The following PIK3C2G variants were observed in gnomAD, a reference collection of about 807,000 sequenced individuals.
The protein encoded by PIK3C2G is phosphatidylinositol-4-phosphate 3-kinase catalytic subunit type 2 gamma.
PIK3C2G carries 168 observed loss-of-function variants against 181.1 expected under a neutral mutation model. That is an observed-to-expected ratio of 0.93 (90% confidence interval 0.82 to 1.05). The LOEUF (loss-of-function observed/expected upper bound fraction) is 1.05. PIK3C2G is among the 50% of genes least tolerant of loss of function. The probability of loss-of-function intolerance (pLI) is 0.00; values close to 1 mark genes in which losing one functional copy is unlikely to be tolerated. For synonymous variants in PIK3C2G, 573 were observed against 592.2 expected (o/e 0.97, Z 0.47); for missense variants, 1,869 against 1,732.8 (o/e 1.08, Z -1.40).
chr12:18,685,137 C>T, the PIK3C2G span, among the ~76,000 whole-genome samples: 1 of 152,026 alleles, frequency 6.6e-6, no homozygotes, highest in Non-Finnish European at 1.5e-5. Context: ...GAGTTCCATA[C>T]TTAGTTGTTA....
chr12:18,433,202 G>C (rs1208002415), intron 18 of PIK3C2G, among the ~76,000 whole-genome samples: 1 of 152,094 alleles, frequency 6.6e-6, no homozygotes, highest in Non-Finnish European at 1.5e-5. Flanking sequence ...TTCTTTTATA[G>C]TGTCTAATTG....
At chr12:18,658,867 G>GA in the PIK3C2G span, among the ~76,000 whole-genome samples, 5 of 152,082 alleles carry the variant, frequency 3.3e-5, no homozygotes, top group African/African-American at 4.8e-5. Flanking sequence ...TATTTGAATG[G>GA]AAAAAATTTG....
intron 5 of PIK3C2G, among the ~76,000 whole-genome samples, chr12:18,308,231 TA>T (rs1950499892): frequency 6.6e-6 from 1 of 151,832 alleles, no homozygotes; most frequent in Non-Finnish European, 1.5e-5. Flanking sequence ...TAACGTCCTT[TA>T]AAAAACAGCA....
At chr12:18,464,230 T>C (rs981837235) in intron 18 of PIK3C2G, among the ~76,000 whole-genome samples, 52 of 152,202 alleles carry the variant, frequency 3.4e-4, no homozygotes, top group African/African-American at 1.3e-3. Flanking sequence ...GTGAGCACCT[T>C]TTCCTCATAG....
intron 6 of PIK3C2G, among the ~76,000 whole-genome samples, chr12:18,320,263 C>T (rs1285786928): frequency 6.6e-6 from 1 of 152,192 alleles, no homozygotes; most frequent in Non-Finnish European, 1.5e-5. Context: ...TCTCTGCATA[C>T]TTGCAAAGGG....
At chr12:18,292,529 C>A (rs1949758767) in intron 4 of PIK3C2G, among the ~76,000 whole-genome samples, 1 of 151,824 alleles carries the variant, frequency 6.6e-6, no homozygotes, top group African/African-American at 2.4e-5. Context: ...GATTATTCGG[C>A]CAAGATCAAT....
intron 4 of PIK3C2G, among the ~76,000 whole-genome samples, chr12:18,293,600 A>G (rs1949805301): frequency 6.6e-6 from 1 of 152,174 alleles, no homozygotes; most frequent in Admixed American, 6.5e-5. Context: ...GAGAAACTGC[A>G]GTAGATTTTT....
intron 30 of PIK3C2G, among the ~76,000 whole-genome samples, chr12:18,596,832 G>A (rs1183457423): frequency 6.6e-6 from 1 of 152,008 alleles, no homozygotes; most frequent in Non-Finnish European, 1.5e-5. Flanking sequence ...TTATCCATGG[G>A]TTGAAGTATG....
chr12:18,515,919 A>T (rs1592463525), intron 24 of PIK3C2G, among the ~76,000 whole-genome samples: 1 of 151,978 alleles, frequency 6.6e-6, no homozygotes, highest in Non-Finnish European at 1.5e-5. Context: ...TTTCCATTTG[A>T]ACTTGCCTCA....
intron 29 of PIK3C2G, among the ~76,000 whole-genome samples, chr12:18,590,826 C>T (rs1005032392): frequency 1.3e-5 from 2 of 151,818 alleles, no homozygotes; most frequent in African/African-American, 4.8e-5. Context: ...GAGAAAATAA[C>T]CTTGTTACAA....
chr12:18,497,676 A>C lies in PIK3C2G; in HGVS notation c.2944A>C (p.Asn982His), dbSNP rs574990134. ...TCTGCAGCTTATTCAAGTGATGGAC[A>C]ATATTTGGCTGCAGGAAGGCTTGGA... ...LVLQLIQVMD[N>H]IWLQEGLDMQ... Residue 982 changes from asparagine (N) to histidine (H), a missense_variant, in exon 22 of 33, where the codon AAT (asparagine) becomes CAT (histidine). Physicochemically the swap from Asn to His is moderately conservative, Grantham distance 68. Transcript: ENST00000538779. 4.8e-5 allele frequency: 78 copies of C among 1,612,376 alleles called. No homozygotes were observed. The South Asian group carries it at 8.1e-4, about 17-fold the overall frequency.
chr12:18,567,614 C>T (rs1442693588), intron 29 of PIK3C2G, among the ~76,000 whole-genome samples: 2 of 151,508 alleles, frequency 1.3e-5, no homozygotes, highest in African/African-American at 2.4e-5. Context: ...GAATCATTCC[C>T]GATGCAATAA....
chr12:18,704,941 T>A, the PIK3C2G span, among the ~76,000 whole-genome samples: 7,357 of 152,076 alleles, frequency 0.048, 604 homozygotes, highest in African/African-American at 0.17. Flanking sequence ...GGAGACACAA[T>A]CAAAATGTGG....
the PIK3C2G span, chr12:18,693,554 C>T: frequency 6.2e-7 from 1 of 1,608,314 alleles, no homozygotes; most frequent in Non-Finnish European, 8.5e-7. Flanking sequence ...TCAGAAGTAC[C>T]TAGGTGATGG....
intron 18 of PIK3C2G, among the ~76,000 whole-genome samples, chr12:18,435,025 T>G (rs1413644040): frequency 6.6e-6 from 1 of 151,786 alleles, no homozygotes; most frequent in Non-Finnish European, 1.5e-5. Context: ...ATTATTAAGA[T>G]ATTTATGTAG....
chr12:18,534,745 C>T (rs1187602240), intron 24 of PIK3C2G, among the ~76,000 whole-genome samples: 1 of 144,100 alleles, frequency 6.9e-6, no homozygotes, highest in African/African-American at 2.6e-5. Context: ...TTGGAGAAGA[C>T]TAATAAGACA....
At chr12:18,332,580 A>G (rs1591979181) in intron 8 of PIK3C2G, among the ~76,000 whole-genome samples, 1 of 152,072 alleles carries the variant, frequency 6.6e-6, no homozygotes, top group African/African-American at 2.4e-5. Context: ...GACCCAAGAC[A>G]ACTTTCCTGG....
chr12:18,478,585 G>A (rs1389572647), intron 18 of PIK3C2G, among the ~76,000 whole-genome samples: 2 of 152,124 alleles, frequency 1.3e-5, no homozygotes, highest in African/African-American at 2.4e-5. Flanking sequence ...TGAGTCAGGT[G>A]TATGATTTGC....
At chr12:18,683,646 A>G in the PIK3C2G span, 2 of 1,351,246 alleles carry the variant, frequency 1.5e-6, no homozygotes, top group Non-Finnish European at 1.9e-6. Flanking sequence ...TAGAAAAGTA[A>G]GCATATTGAG....
Sources: allele counts gnomAD v4.1 joint callset (sites outside exome capture counted in the v4.1 genomes callset), GRCh38; gene constraint gnomAD v4.1.1; transcripts MANE v1.5; gene names NCBI Gene and HGNC (gene_info 2026-07-23, HGNC 2026-07-21).